The following PCDHGB2 variants were observed in gnomAD, a reference collection of about 807,000 sequenced individuals.
PCDHGB2 encodes the protein protocadherin gamma-B2.
In PCDHGB2, 55 loss-of-function variants were observed where a neutral mutation model predicts 59.3. The ratio of observed to expected loss-of-function variants is 0.93; its 90% CI spans 0.75 to 1.16. The LOEUF is 1.16. Among genes scored for constraint, PCDHGB2 ranks in the 50% most tolerant of loss-of-function variants. The probability of loss-of-function intolerance (pLI) is 0.00; values close to 1 mark genes in which losing one functional copy is unlikely to be tolerated. For missense variants in PCDHGB2, 1,228 were observed against 1,198.5 expected, an observed-to-expected ratio of 1.02 and a Z score of -0.36; for synonymous variants, 516 against 512.0, an observed-to-expected ratio of 1.01 and a Z score of -0.11.
Position 141,361,453 on chromosome 5 carries a change from C to T in PCDHGB2, c.1318C>T (p.Leu440=), listed in dbSNP as rs758759325. ...PPLSSSIIVT[L]HISDVNDNAP... Reference sequence around the variant, plus strand: ...CCTCTCCTCCAGCATAATTGTCACCCTGCACATCTCCGACGTCAACGATAA... The same window carrying T: ...CCTCTCCTCCAGCATAATTGTCACCTTGCACATCTCCGACGTCAACGATAA... Residue 440 remains leucine, a synonymous_variant, in exon 1 of 4, where the codon CTG becomes TTG. Coordinates refer to ENST00000522605, the MANE Select transcript of PCDHGB2 (RefSeq NM_018923.3). 1 of 1,613,928 alleles carries T rather than the reference C, an allele frequency of 6.2e-7. No individual in the cohort carries two copies. Among genetic ancestry groups the T allele is most frequent in the East Asian group, 2.2e-5 (1 of 44,886 alleles).
Position 141,360,095 on chromosome 5 carries a change from C to T in PCDHGB2, c.-41C>T, listed in dbSNP as rs1402675837. ...CCCGGATTCTGCCATCCCCGGAAGG[C>T]TTATTCCTCCTATGGGCAAAGGAGC... On this transcript the variant is annotated 5_prime_UTR_variant, in exon 1 of 4. Coordinates refer to ENST00000522605, the MANE Select transcript of PCDHGB2 (RefSeq NM_018923.3). The T allele has an allele frequency of 2.6e-6, 4 of 1,524,018 alleles. No homozygotes were observed. Among genetic ancestry groups the T allele is most frequent in the South Asian group, 2.6e-5 (2 of 78,056 alleles). The allele number at this position is 1,524,018 out of a possible 1,614,324, so 94.4% of individuals were successfully genotyped here. A position where few individuals can be genotyped will look rare whatever the true frequency, so the allele number is the denominator to read the frequency against.
intron 1 of PCDHGB2, among the ~76,000 whole-genome samples, chr5:141,369,573 C>T (rs12188189): frequency 0.047 from 7,089 of 152,168 alleles, 244 homozygotes; most frequent in Admixed American, 0.083. Flanking sequence ...GAAAAGAGAC[C>T]CTCTTGCTTT....
At chr5:141,433,397 A>G (rs189987785) in intron 1 of PCDHGB2, among the ~76,000 whole-genome samples, 270 of 150,524 alleles carry the variant, frequency 1.8e-3, no homozygotes, top group Non-Finnish European at 3.1e-3. Context: ...CTATCTATCT[A>G]TCTATCTATT....
intron 1 of PCDHGB2, among the ~76,000 whole-genome samples, chr5:141,470,591 G>A (rs1271473509): frequency 1.3e-5 from 2 of 152,132 alleles, no homozygotes; most frequent in African/African-American, 4.8e-5. Flanking sequence ...ATAGGCAGGC[G>A]ACCTGTGCGG....
intron 1 of PCDHGB2, among the ~76,000 whole-genome samples, chr5:141,458,408 C>A (rs895785923): frequency 6.6e-6 from 1 of 151,932 alleles, no homozygotes; most frequent in East Asian, 1.9e-4. Flanking sequence ...AGAGACGGAG[C>A]GGGGGTTCCA....
rs1228831823 is a variant in PCDHGB2, at chr5:141,487,778, T to C, written c.2422-7029T>C. ...GGTAGACGCTGTGCTTTGTAACTGT[T>C]TCGTGAATTAACCAGAGTTGTCACA... On this transcript the variant is annotated intron_variant, in intron 1 of 3. Coordinates refer to ENST00000522605, the MANE Select transcript of PCDHGB2 (RefSeq NM_018923.3). The surrounding 1 kb of genome is among the most constrained non-coding windows in gnomAD (Gnocchi z 5.0). The C allele has an allele frequency of 6.5e-7, 1 of 1,531,514 alleles. No individual in the cohort carries two copies. The highest frequency in any genetic ancestry group is 2.0e-5 in the Admixed American group (1 of 49,632). 94.9% of individuals were successfully genotyped at this position (1,531,514 alleles called of 1,614,324 possible).
At chr5:141,366,457 C>A (rs747734622) in intron 1 of PCDHGB2, 11 of 1,614,106 alleles carry the variant, frequency 6.8e-6, no homozygotes, top group Non-Finnish European at 6.8e-6. Flanking sequence ...CCTTCGTCAT[C>A]GTGCTGCTGG....
At position 141,487,198 on chromosome 5, in the gene PCDHGB2, T is replaced by A; in HGVS notation, c.2422-7609T>A. The A allele has an allele frequency of 1.2e-6, 2 of 1,613,854 alleles. No individual in the cohort carries two copies. The highest frequency in any genetic ancestry group is 1.7e-6 in the Non-Finnish European group (2 of 1,179,722). ...AAGACACTCATCCAGTTGTCCCAGATCTTCGAGAATCTTCAGCTCCAAGGG... is the reference window on the plus strand; with the variant it reads ...AAGACACTCATCCAGTTGTCCCAGAACTTCGAGAATCTTCAGCTCCAAGGG... On this transcript the variant is annotated intron_variant, in intron 1 of 3. Transcript: ENST00000522605. The surrounding 1 kb of genome is among the most constrained non-coding windows in gnomAD (Gnocchi z 5.0).
chr5:141,500,688 T>C (rs2099802014), intron 2 of PCDHGB2, among the ~76,000 whole-genome samples: 1 of 152,224 alleles, frequency 6.6e-6, no homozygotes, highest in Non-Finnish European at 1.5e-5. Flanking sequence ...TATAGCTTTT[T>C]TCTTCTTTGC....
At chr5:141,400,404 GT>G (rs2094016313) in intron 1 of PCDHGB2, 1 of 1,613,948 alleles carries the variant, frequency 6.2e-7, no homozygotes, top group South Asian at 1.1e-5. Flanking sequence ...GAAAGACGGA[GT>G]TTAATTTCCT....
At chr5:141,420,052 C>T (rs535784301) in intron 1 of PCDHGB2, 1 of 1,614,070 alleles carries the variant, frequency 6.2e-7, no homozygotes, top group South Asian at 1.1e-5. Flanking sequence ...AGTCAGTTCT[C>T]TGCTCCAAGT....
rs200715621 is a variant in PCDHGB2 at position 141,432,628 on chromosome 5, G to A, written c.2422-62179G>A. 3.2e-4 allele frequency: 515 copies of A among 1,611,902 alleles called. No individual in the cohort carries two copies. Among genetic ancestry groups the A allele is most frequent in the Non-Finnish European group, 4.2e-4 (497 of 1,179,404 alleles). On this transcript the variant is annotated intron_variant, in intron 1 of 3. Coordinates refer to ENST00000522605, the MANE Select transcript of PCDHGB2 (RefSeq NM_018923.3). The surrounding 1 kb of genome is among the most constrained non-coding windows in gnomAD (Gnocchi z 6.0). ...GACTCTTCTCGGTGGGTCTGCACAC[G>A]GGCGAGGTGCGCACGGCGCGAGCCC...
intron 1 of PCDHGB2, chr5:141,415,531 C>G (rs777787905): frequency 1.2e-6 from 2 of 1,614,030 alleles, no homozygotes; most frequent in Non-Finnish European, 1.7e-6. Context: ...GCTCATCAGC[C>G]AGGAGAGCTG....
intron 1 of PCDHGB2, chr5:141,403,573 C>G: frequency 6.2e-7 from 1 of 1,613,946 alleles, no homozygotes; most frequent in South Asian, 1.1e-5. Context: ...AGGCAACTGC[C>G]CACCACCTGG....
intron 1 of PCDHGB2, chr5:141,405,437 T>C: frequency 7.0e-7 from 1 of 1,433,230 alleles, no homozygotes; most frequent in Non-Finnish European, 9.6e-7. Flanking sequence ...GTTTTGTTTT[T>C]GAGACAGAGT....
At position 141,431,566 on chromosome 5, in the gene PCDHGB2, T is replaced by G; in HGVS notation, c.2422-63241T>G. ...TGCTTGTAGTCAACGCTACCGACCCTGACGAAGGAGTCAATGCGGAAGTGA... is the reference window on the plus strand; with the variant it reads ...TGCTTGTAGTCAACGCTACCGACCCGGACGAAGGAGTCAATGCGGAAGTGA... On this transcript the variant is annotated intron_variant, in intron 1 of 3. Transcript: ENST00000522605. This position sits in a 1 kb window ranked among gnomAD's most constrained non-coding sequence, Gnocchi z 4.8. 6.2e-7 allele frequency: 1 copy of G among 1,614,128 alleles called. No homozygotes were observed. The highest frequency in any genetic ancestry group is 1.1e-5 in the South Asian group (1 of 91,088).
chr5:141,495,545 A>G (rs1174346915), intron 2 of PCDHGB2, among the ~76,000 whole-genome samples: 3 of 151,824 alleles, frequency 2.0e-5, no homozygotes, highest in Non-Finnish European at 4.4e-5. Flanking sequence ...CTCAGTCTCT[A>G]TCTCGCTTTG....
rs1345498022 is a variant in PCDHGB2 at position 141,493,312 on chromosome 5, A to G, written c.2422-1495A>G. On this transcript the variant is annotated intron_variant, in intron 1 of 3. Coordinates refer to ENST00000522605, the MANE Select transcript of PCDHGB2 (RefSeq NM_018923.3). This position sits in a 1 kb window ranked among gnomAD's most constrained non-coding sequence, Gnocchi z 4.3. ...CTCAAGTTCACAGAGCAAGTAAGAG[A>G]GATTCTAACCCCTGTCTAACTCCAG... 6.6e-6 allele frequency among the ~76,000 whole-genome samples: 1 copy of G among 152,174 alleles called. No individual in the cohort carries two copies. Among genetic ancestry groups the G allele is most frequent in the Non-Finnish European group, 1.5e-5 (1 of 68,028 alleles).
chr5:141,374,151 T>C lies in PCDHGB2; in HGVS notation c.2421+11595T>C, dbSNP rs759314106. ...CTGCTCCTCACGCTCCTGGGGACGC[T>C]GTGGGGGGCCGCGGCAGCGCAGATC... On this transcript the variant is annotated intron_variant, in intron 1 of 3. Coordinates refer to ENST00000522605, the MANE Select transcript of PCDHGB2 (RefSeq NM_018923.3). 2 of 1,611,862 alleles carry C rather than the reference T, an allele frequency of 1.2e-6. No individual in the cohort carries two copies. Among genetic ancestry groups the C allele is most frequent in the Non-Finnish European group, 1.7e-6 (2 of 1,178,732 alleles).
Sources: allele counts gnomAD v4.1 joint callset (sites outside exome capture counted in the v4.1 genomes callset), GRCh38; gene constraint gnomAD v4.1.1; non-coding constraint Gnocchi (gnomAD v3.1); transcripts MANE v1.5; gene names NCBI Gene and HGNC (gene_info 2026-07-23, HGNC 2026-07-21).